The following NEXMIF variants were observed in gnomAD, a reference collection of about 807,000 sequenced individuals.
NEXMIF encodes XLMR protein related to neurite extension.
Under a neutral mutation model 62.1 loss-of-function variants are expected in NEXMIF, and 8 were observed. The ratio of observed to expected loss-of-function variants is 0.13; its 90% confidence interval spans 0.08 to 0.23. The LOEUF (loss-of-function observed/expected upper bound fraction) is 0.23, where lower values mean the gene tolerates loss of function less well. Ranked by LOEUF, NEXMIF falls within the 10% of genes least tolerant of loss-of-function variation. NEXMIF has a pLI of 1.00. For synonymous variants in NEXMIF, 404 were observed against 416.6 expected, an observed-to-expected ratio of 0.97 and a Z score of 0.37; for missense variants, 976 against 1,113.3, an observed-to-expected ratio of 0.88 and a Z score of 1.75.
At chrX:74,911,378 C>CA (rs1375725921) in intron 1 of NEXMIF, among the ~76,000 whole-genome samples, 3 of 111,419 alleles carry the variant, frequency 2.7e-5, no homozygotes, top group Non-Finnish European at 5.7e-5. Flanking sequence ...TGAGATCATG[C>CA]CACTACACAG....
At chrX:74,845,357 T>A (rs1316345094) in intron 1 of NEXMIF, among the ~76,000 whole-genome samples, 9 of 111,936 alleles carry the variant, frequency 8.0e-5, no homozygotes, top group Non-Finnish European at 5.6e-5. Flanking sequence ...TAAACAAAAA[T>A]AAAGGTGCTG....
At chrX:74,804,924 T>C (rs1364346776) in intron 1 of NEXMIF, among the ~76,000 whole-genome samples, 1 of 111,973 alleles carries the variant, frequency 8.9e-6, no homozygotes, top group African/African-American at 3.3e-5. Context: ...TTCCAACCAC[T>C]AGATGTGCGA....
intron 1 of NEXMIF, among the ~76,000 whole-genome samples, chrX:74,814,774 A>C (rs2080370818): frequency 1.8e-5 from 2 of 112,492 alleles, no homozygotes; most frequent in Non-Finnish European, 3.8e-5. Context: ...TGGTTCACAA[A>C]TGAAACCCCA....
At chrX:74,841,373 T>A (rs2080473301) in intron 1 of NEXMIF, among the ~76,000 whole-genome samples, 1 of 112,045 alleles carries the variant, frequency 8.9e-6, no homozygotes, top group South Asian at 3.8e-4. Context: ...GAAGGAGGTT[T>A]TGGGCCAAGA....
intron 1 of NEXMIF, among the ~76,000 whole-genome samples, chrX:74,896,832 T>C (rs956391676): frequency 2.9e-4 from 33 of 111,881 alleles, no homozygotes; most frequent in African/African-American, 1.0e-3. Context: ...ACCTTTCCAT[T>C]AGAATTTGAT....
At chrX:74,763,323 T>G (rs2080183640) in intron 1 of NEXMIF, among the ~76,000 whole-genome samples, 1 of 111,977 alleles carries the variant, frequency 8.9e-6, no homozygotes, top group Non-Finnish European at 1.9e-5. Flanking sequence ...TCCATTGGTC[T>G]ATATCTCTGT....
intron 1 of NEXMIF, among the ~76,000 whole-genome samples, chrX:74,856,348 T>G (rs1179747626): frequency 2.7e-5 from 3 of 111,526 alleles, no homozygotes; most frequent in African/African-American, 9.8e-5. Flanking sequence ...ATCAGTGAAC[T>G]TGAAGATATA....
At position 74,884,928 on chromosome X, in the gene NEXMIF, G is replaced by C. The variant is rs12690354; in HGVS notation, c.-48+39955C>G. Among the ~76,000 whole-genome samples the C allele has an allele frequency of 5.3e-4, 59 of 111,351 alleles. No homozygotes were observed. The East Asian group carries it at 0.015, about 29-fold the overall frequency. ...AGTCCTCAGCAAATGTAAAAGAACA[G>C]AAATTATAACAAACTGTCTCTCAGA... On this transcript the variant is annotated intron_variant, in intron 1 of 3. Transcript: ENST00000055682.
At chrX:74,862,490 A>T (rs1273861828) in intron 1 of NEXMIF, among the ~76,000 whole-genome samples, 1 of 110,969 alleles carries the variant, frequency 9.0e-6, no homozygotes, top group Non-Finnish European at 1.9e-5. Flanking sequence ...AGTGGACCTG[A>T]TACATATCTA....
At chrX:74,793,508 T>G in intron 1 of NEXMIF, among the ~76,000 whole-genome samples, 1 of 111,212 alleles carries the variant, frequency 9.0e-6, no homozygotes, top group South Asian at 3.8e-4. Context: ...ATTTCCTGAA[T>G]CTGAAGGTTG....
At chrX:74,793,585 C>T (rs1370892607) in intron 1 of NEXMIF, among the ~76,000 whole-genome samples, 2 of 110,935 alleles carry the variant, frequency 1.8e-5, no homozygotes, top group Admixed American at 1.9e-4. Context: ...CAACTTGGTT[C>T]CATTCTCCCC....
At chrX:74,794,147 G>C (rs887737406) in intron 1 of NEXMIF, among the ~76,000 whole-genome samples, 2 of 109,325 alleles carry the variant, frequency 1.8e-5, no homozygotes, top group East Asian at 5.8e-4. Context: ...TGTACAGATG[G>C]GTTTTTGGTT....
At chrX:74,796,163 T>TTATATATATAC (rs2080307255) in intron 1 of NEXMIF, among the ~76,000 whole-genome samples, 3 of 40,875 alleles carry the variant, frequency 7.3e-5, no homozygotes, top group Non-Finnish European at 1.7e-4. Flanking sequence ...ACATATATAT[T>TTATATATATAC]ATATATATTA....
intron 1 of NEXMIF, among the ~76,000 whole-genome samples, chrX:74,887,859 C>T (rs756741135): frequency 6.3e-5 from 7 of 111,683 alleles, no homozygotes; most frequent in Non-Finnish European, 9.4e-5. Flanking sequence ...ATGTTTATTG[C>T]GGCACTATTC....
chrX:74,869,038 T>C (rs1368952263), intron 1 of NEXMIF, among the ~76,000 whole-genome samples: 1 of 110,921 alleles, frequency 9.0e-6, no homozygotes, highest in East Asian at 2.8e-4. Flanking sequence ...AAAAGAAAAC[T>C]ATAAAACAAT....
In NEXMIF at chrX:74,739,327, T is replaced by G; in HGVS notation, c.*78A>C. ...GCTCCAAAGACGTATTCCCACAATT[T>G]AAAATTCTTTTCTTTAAGCACTTAC... On this transcript the variant is annotated 3_prime_UTR_variant, in exon 4 of 4. Coordinates refer to ENST00000055682, the MANE Select transcript of NEXMIF (RefSeq NM_001008537.3). 1.5e-6 allele frequency: 1 copy of G among 667,331 alleles called. No individual in the cohort carries two copies. Among genetic ancestry groups the G allele is most frequent in the East Asian group, 3.8e-5 (1 of 26,202 alleles). 55.0% of individuals were successfully genotyped at this position (667,331 alleles called of 1,213,427 possible).
chrX:74,800,465 C>A (rs182646663), intron 1 of NEXMIF, among the ~76,000 whole-genome samples: 1 of 110,199 alleles, frequency 9.1e-6, no homozygotes, highest in African/African-American at 3.3e-5. Flanking sequence ...TTTCATTGTA[C>A]AGTTCTATGA....
At chrX:74,794,427 T>G (rs1465494660) in intron 1 of NEXMIF, among the ~76,000 whole-genome samples, 3 of 109,963 alleles carry the variant, frequency 2.7e-5, no homozygotes, top group Non-Finnish European at 3.8e-5. Context: ...TGCTGTCTTT[T>G]TGTTTGTCTG....
intron 1 of NEXMIF, among the ~76,000 whole-genome samples, chrX:74,782,810 G>A (rs1461704848): frequency 8.9e-6 from 1 of 112,200 alleles, no homozygotes; most frequent in Non-Finnish European, 1.9e-5. Context: ...CTTCTGAAGA[G>A]TAAATGCTAT....
Sources: allele counts gnomAD v4.1 joint callset (sites outside exome capture counted in the v4.1 genomes callset), GRCh38; gene constraint gnomAD v4.1.1; transcripts MANE v1.5; gene names NCBI Gene and HGNC (gene_info 2026-07-23, HGNC 2026-07-21).